The following PLCH1 variants were observed in gnomAD, a reference collection of about 807,000 sequenced individuals.
PLCH1 encodes the protein 1-phosphatidylinositol 4,5-bisphosphate phosphodiesterase eta-1.
PLCH1 carries 60 observed loss-of-function variants against 126.7 expected under a neutral mutation model. That is an observed-to-expected ratio of 0.47 (90% confidence interval 0.38 to 0.59). The LOEUF (loss-of-function observed/expected upper bound fraction) is 0.59, where lower values mean the gene tolerates loss of function less well. Among genes scored for constraint, PLCH1 ranks in the 20% least tolerant of loss-of-function variants. PLCH1 has a pLI of 0.00. For synonymous variants in PLCH1, 719 were observed against 734.9 expected, an observed-to-expected ratio of 0.98 and a Z score of 0.35; for missense variants, 1,723 against 2,040.0, an observed-to-expected ratio of 0.84 and a Z score of 2.99.
intron 9 of PLCH1, among the ~76,000 whole-genome samples, chr3:155,550,280 A>G (rs1201915980): frequency 1.3e-5 from 2 of 152,338 alleles, no homozygotes; most frequent in East Asian, 3.9e-4. Context: ...AGAGATGAGA[A>G]GTCTAAAGAA....
chr3:155,516,018 T>C (rs566484316), intron 11 of PLCH1, among the ~76,000 whole-genome samples: 1 of 152,352 alleles, frequency 6.6e-6, no homozygotes, highest in Admixed American at 6.5e-5. Flanking sequence ...TTCAAAAATC[T>C]ATACCAGGAT....
intron 1 of PLCH1, among the ~76,000 whole-genome samples, chr3:155,733,367 C>T (rs1257867351): frequency 6.6e-6 from 1 of 152,102 alleles, no homozygotes; most frequent in Non-Finnish European, 1.5e-5. Flanking sequence ...AGCATAAAAA[C>T]AGACACAGAG....
At chr3:155,687,492 A>G (rs1332912865) in intron 2 of PLCH1, among the ~76,000 whole-genome samples, 1 of 152,204 alleles carries the variant, frequency 6.6e-6, no homozygotes, top group African/African-American at 2.4e-5. Context: ...AAAATTTTAC[A>G]TTACTAGTAT....
intron 2 of PLCH1, among the ~76,000 whole-genome samples, chr3:155,617,741 G>A (rs1424667567): frequency 6.6e-6 from 1 of 152,164 alleles, no homozygotes; most frequent in African/African-American, 2.4e-5. Flanking sequence ...GAAACAGACT[G>A]CTTTAAGGAA....
intron 2 of PLCH1, among the ~76,000 whole-genome samples, chr3:155,659,302 CTTTTTTTTTTTTTTTTT>C (rs753258422): frequency 8.5e-3 from 262 of 30,812 alleles, no homozygotes; most frequent in Middle Eastern, 0.028. Flanking sequence ...CTATTCACTT[CTTTTTTTTTTTTTTTTT>C]TTTTTTTTTT....
chr3:155,564,869 G>T, intron 8 of PLCH1, 46 bp downstream of exon 8: 1 of 1,242,616 alleles, frequency 8.0e-7, no homozygotes, highest in South Asian at 1.2e-5. Context: ...CTGATTAAAG[G>T]ACAGGGTCAC....
At chr3:155,743,666 G>A (rs1291921573) in intron 1 of PLCH1, 3 of 382,460 alleles carry the variant, frequency 7.8e-6, no homozygotes, top group African/African-American at 6.5e-5. Flanking sequence ...AAAAACTACC[G>A]CCTCTTCTGG....
intron 2 of PLCH1, among the ~76,000 whole-genome samples, chr3:155,677,711 T>C (rs1270636988): frequency 6.6e-6 from 1 of 152,214 alleles, no homozygotes; most frequent in African/African-American, 2.4e-5. Flanking sequence ...CAATTATATA[T>C]TATTATTGTT....
intron 1 of PLCH1, among the ~76,000 whole-genome samples, chr3:155,709,427 G>T (rs1270783147): frequency 2.0e-5 from 3 of 152,136 alleles, no homozygotes; most frequent in African/African-American, 7.2e-5. Context: ...AGTTCCTGTT[G>T]CTCTACATCT....
intron 2 of PLCH1, among the ~76,000 whole-genome samples, chr3:155,618,652 T>G (rs1471361857): frequency 6.6e-6 from 1 of 152,152 alleles, no homozygotes; most frequent in Non-Finnish European, 1.5e-5. Context: ...TATCTGATCT[T>G]CTTTTTATTT....
chr3:155,723,888 A>C (rs1411711452), intron 1 of PLCH1, among the ~76,000 whole-genome samples: 2 of 138,026 alleles, frequency 1.4e-5, no homozygotes, highest in Non-Finnish European at 3.0e-5. Flanking sequence ...CAGGAGGTGG[A>C]GGTTGCAGTG....
chr3:155,502,989 T>G (rs1718127992), intron 13 of PLCH1, among the ~76,000 whole-genome samples: 1 of 152,224 alleles, frequency 6.6e-6, no homozygotes, highest in African/African-American at 2.4e-5. Flanking sequence ...TAATGTAAAG[T>G]TCTCCATCTA....
chr3:155,615,616 G>GCAACC (rs1417383856), intron 2 of PLCH1, among the ~76,000 whole-genome samples: 2 of 152,160 alleles, frequency 1.3e-5, no homozygotes, highest in African/African-American at 2.4e-5. Context: ...GGCATTCACA[G>GCAACC]CAACCTGAAT....
chr3:155,549,081 G>A (rs1408477022), intron 10 of PLCH1, among the ~76,000 whole-genome samples: 4 of 152,138 alleles, frequency 2.6e-5, no homozygotes, highest in Non-Finnish European at 5.9e-5. Context: ...ACCCAAGGTG[G>A]TTTTAGTACA....
intron 21 of PLCH1, among the ~76,000 whole-genome samples, chr3:155,458,488 AAGAAAG>A (rs1712564848): frequency 9.0e-6 from 1 of 111,606 alleles, no homozygotes; most frequent in Admixed American, 7.6e-5. Context: ...GAAAGAAAGA[AAGAAAG>A]AAAGAGAAAG....
intron 21 of PLCH1, among the ~76,000 whole-genome samples, chr3:155,487,528 C>T (rs1715434655): frequency 6.6e-6 from 1 of 152,138 alleles, no homozygotes; most frequent in Non-Finnish European, 1.5e-5. Flanking sequence ...CTTTTCAGTC[C>T]TATAGGTAGC....
Position 155,500,800 on chromosome 3 carries a change from AG to A in PLCH1, c.1705-7del, listed in dbSNP as rs771400754. 32 of 1,584,684 alleles carry A rather than the reference AG, an allele frequency of 2.0e-5. No individual in the cohort carries two copies. In the African/African-American group the frequency reaches 3.8e-4, roughly 19 times the overall value. On this transcript the variant is annotated splice_polypyrimidine_tract_variant and splice_region_variant and intron_variant, in intron 13 of 22. Coordinates refer to ENST00000460012, the MANE Select transcript of PLCH1 (RefSeq NM_014996.4). Reference sequence around the variant, plus strand: ...GACCGTGATTTTGTAGTTTTCTGCCAGAAAAATCAAAACAAACTTAACAAAC... The same window carrying A: ...GACCGTGATTTTGTAGTTTTCTGCCAAAAAATCAAAACAAACTTAACAAAC...
At chr3:155,587,236 A>G (rs1466198705) in intron 4 of PLCH1, among the ~76,000 whole-genome samples, 3 of 152,226 alleles carry the variant, frequency 2.0e-5, no homozygotes, top group African/African-American at 7.2e-5. Context: ...CCCAAATATC[A>G]TAAATATAGG....
chr3:155,706,666 G>A (rs1746698401), intron 1 of PLCH1, among the ~76,000 whole-genome samples: 2 of 151,588 alleles, frequency 1.3e-5, no homozygotes, highest in Admixed American at 1.3e-4. Flanking sequence ...CCCTCAAAAG[G>A]TAGAATCTAA....
Sources: allele counts gnomAD v4.1 joint callset (sites outside exome capture counted in the v4.1 genomes callset), GRCh38; gene constraint gnomAD v4.1.1; transcripts MANE v1.5; gene names NCBI Gene and HGNC (gene_info 2026-07-23, HGNC 2026-07-21).